The following ANGPT4 variants were observed in gnomAD, a reference collection of about 807,000 sequenced individuals.
ANGPT4 encodes the protein angiopoietin 4, also known as angiopoietin-4.
In ANGPT4, 50 loss-of-function variants were observed where a neutral mutation model predicts 53.0. The observed-to-expected ratio is 0.94, with a 90% confidence interval of 0.75 to 1.20. The LOEUF (loss-of-function observed/expected upper bound fraction) is 1.20, where lower values mean the gene tolerates loss of function less well. Ranked by LOEUF, ANGPT4 falls within the 50% of genes most tolerant of loss-of-function variation. The pLI is 0.00. For missense variants in ANGPT4, 648 were observed against 637.1 expected (o/e 1.02, Z -0.18); for synonymous variants, 251 against 259.7 (o/e 0.97, Z 0.32).
intron 1 of ANGPT4, among the ~76,000 whole-genome samples, chr20:898,570 C>A (rs544742254): frequency 6.6e-6 from 1 of 152,174 alleles, no homozygotes; most frequent in African/African-American, 2.4e-5. Context: ...AATCTGCTCC[C>A]AACATTAGAA....
intron 7 of ANGPT4, among the ~76,000 whole-genome samples, chr20:875,314 C>T (rs370104433): frequency 1.2e-4 from 18 of 152,332 alleles, no homozygotes; most frequent in African/African-American, 4.1e-4. Context: ...ATTCACCCAC[C>T]TCTTCCAAGA....
At chr20:890,408 G>C (rs942929399) in intron 1 of ANGPT4, 40 bp from the exon 2 acceptor site, 33 of 1,572,554 alleles carry the variant, frequency 2.1e-5, no homozygotes, top group Non-Finnish European at 2.8e-5. Context: ...GGGAGGGGCG[G>C]GGGAAGCCCC....
chr20:881,796 A>G lies in ANGPT4; in HGVS notation c.836-510T>C, dbSNP rs1367578106. Among the ~76,000 whole-genome samples the G allele has an allele frequency of 2.0e-5, 3 of 152,322 alleles. No individual in the cohort carries two copies. The East Asian group carries it at 5.8e-4, about 29-fold the overall frequency. ...TGCGGAGCCCAGATTCTCTGGGCTGAGAAAGAGCACTCTGTCCAGAGTGTG... is the reference window on the plus strand; with the variant it reads ...TGCGGAGCCCAGATTCTCTGGGCTGGGAAAGAGCACTCTGTCCAGAGTGTG... On this transcript the variant is annotated intron_variant, in intron 4 of 8. Coordinates refer to ENST00000381922, the MANE Select transcript of ANGPT4 (RefSeq NM_015985.4).
chr20:903,359 C>T (rs949003132), intron 1 of ANGPT4, among the ~76,000 whole-genome samples: 9 of 152,182 alleles, frequency 5.9e-5, no homozygotes, highest in African/African-American at 1.4e-4. Context: ...TCTCTACCCT[C>T]GGGCGCATGC....
chr20:879,939 C>T (rs1981331145), intron 5 of ANGPT4, 91 bp from the exon 6 acceptor site: 3 of 833,452 alleles, frequency 3.6e-6, no homozygotes, highest in East Asian at 5.7e-5. Context: ...AGCAGACAGA[C>T]CCCCACAGAG....
chr20:907,634 A>G (rs1274044930), intron 1 of ANGPT4, among the ~76,000 whole-genome samples: 2 of 152,186 alleles, frequency 1.3e-5, no homozygotes, highest in Admixed American at 6.5e-5. Flanking sequence ...AGGACCTGTT[A>G]TCGACCTATT....
chr20:898,717 G>A (rs1167809618), intron 1 of ANGPT4, among the ~76,000 whole-genome samples: 2 of 152,178 alleles, frequency 1.3e-5, no homozygotes, highest in African/African-American at 4.8e-5. Flanking sequence ...CGCCTCTGCT[G>A]TAAGAGAAAC....
At position 911,822 on chromosome 20, in the gene ANGPT4, G is replaced by A. The variant is rs191828236; in HGVS notation, c.309+4084C>T. On this transcript the variant is annotated intron_variant, in intron 1 of 8. Coordinates refer to ENST00000381922, the MANE Select transcript of ANGPT4 (RefSeq NM_015985.4). This position sits in a 1 kb window ranked among gnomAD's most constrained non-coding sequence, Gnocchi z 4.9. ...AGAGTCAGACCTTGTCTTTAGGAGA[G>A]AGACAGAGAGAGGGAGAGAGGGACA... Among the ~76,000 whole-genome samples the A allele has an allele frequency of 5.0e-4, 75 of 150,982 alleles. No homozygotes were observed. The highest frequency in any genetic ancestry group is 4.9e-3 in the Admixed American group (74 of 15,174).
At position 915,769 on chromosome 20, in the gene ANGPT4, AC is replaced by A. The variant is rs1982905336; in HGVS notation, c.309+136del. On this transcript the variant is annotated intron_variant, in intron 1 of 8. Transcript: ENST00000381922. ...AATCTTGCTGTGTGGCCTCAGACCC[AC>A]CCCTGCCCCTCTTTGTGCAGCTCAG... The A allele has an allele frequency of 3.3e-5, 37 of 1,138,408 alleles. No homozygotes were observed. In the South Asian group the frequency reaches 6.4e-4, roughly 20 times the overall value. The allele number at this position is 1,138,408 out of a possible 1,614,324, so 70.5% of individuals were successfully genotyped here.
chr20:902,889 T>C (rs1038217709), intron 1 of ANGPT4, among the ~76,000 whole-genome samples: 1 of 152,110 alleles, frequency 6.6e-6, no homozygotes, highest in Non-Finnish European at 1.5e-5. Context: ...ACTGTCTGGA[T>C]ATTTGTAGGC....
rs1236186803 is a variant in ANGPT4 at position 878,931 on chromosome 20, T to A, written c.1054-604A>T. Among the ~76,000 whole-genome samples the A allele has an allele frequency of 3.3e-5, 5 of 152,146 alleles. No homozygotes were observed. The East Asian group carries it at 9.6e-4, about 29-fold the overall frequency. ...CAATGCCCTTGGACAGAACAAGAAT[T>A]CAGCACCAAGGACAGGGGCACACCC... is the stretch of plus-strand genomic sequence containing the variant. On this transcript the variant is annotated intron_variant, in intron 6 of 8. Transcript: ENST00000381922.
At chr20:907,296 C>A (rs1982511043) in intron 1 of ANGPT4, among the ~76,000 whole-genome samples, 1 of 152,070 alleles carries the variant, frequency 6.6e-6, no homozygotes, top group African/African-American at 2.4e-5. Flanking sequence ...GTGTTCATCC[C>A]AGGTGAAAGG....
At chr20:873,213 A>T in intron 8 of ANGPT4, 93 bp from the exon 9 acceptor site, 1 of 1,301,928 alleles carries the variant, frequency 7.7e-7, no homozygotes, top group Non-Finnish European at 1.0e-6. Context: ...AACAAAGACT[A>T]ATCGGGGCTG....
At chr20:902,882 G>C (rs1982339701) in intron 1 of ANGPT4, among the ~76,000 whole-genome samples, 2 of 152,134 alleles carry the variant, frequency 1.3e-5, no homozygotes, top group African/African-American at 4.8e-5. Flanking sequence ...CTGGAAGACT[G>C]TCTGGATATT....
chr20:888,276 C>A, intron 3 of ANGPT4, 42 bp downstream of exon 3: 2 of 1,591,450 alleles, frequency 1.3e-6, no homozygotes, highest in Non-Finnish European at 1.7e-6. Flanking sequence ...TTGACTCCAG[C>A]CCCAGCCCCT....
intron 7 of ANGPT4, among the ~76,000 whole-genome samples, chr20:876,866 G>A (rs1303428756): frequency 6.6e-6 from 1 of 150,644 alleles, no homozygotes; most frequent in East Asian, 2.0e-4. Context: ...GGGCAACATA[G>A]GGAAACCCTG....
At chr20:901,824 A>G (rs1370591253) in intron 1 of ANGPT4, among the ~76,000 whole-genome samples, 1 of 152,242 alleles carries the variant, frequency 6.6e-6, no homozygotes, top group Admixed American at 6.5e-5. Context: ...CTGAGGCAGG[A>G]GGATGGCTTT....
At chr20:912,921 G>C (rs1261526010) in intron 1 of ANGPT4, among the ~76,000 whole-genome samples, 2 of 152,186 alleles carry the variant, frequency 1.3e-5, no homozygotes, top group Non-Finnish European at 2.9e-5. Context: ...TGAGAATCCA[G>C]ATTGGCTTTC....
At chr20:897,721 G>A (rs948867708) in intron 1 of ANGPT4, among the ~76,000 whole-genome samples, 16 of 152,148 alleles carry the variant, frequency 1.1e-4, no homozygotes, top group South Asian at 2.1e-4. Context: ...CTCACCGCCC[G>A]CTTCTCCGTG....
Sources: allele counts gnomAD v4.1 joint callset (sites outside exome capture counted in the v4.1 genomes callset), GRCh38; gene constraint gnomAD v4.1.1; non-coding constraint Gnocchi (gnomAD v3.1); transcripts MANE v1.5; gene names NCBI Gene and HGNC (gene_info 2026-07-23, HGNC 2026-07-21).